COG3: variants seen among roughly 807,000 people sequenced by gnomAD.
COG3 encodes the protein component of oligomeric golgi complex 3.
In COG3, 32 loss-of-function variants were observed where a neutral mutation model predicts 114.1. The observed-to-expected ratio is 0.28, with a 90% CI of 0.21 to 0.38. The LOEUF (loss-of-function observed/expected upper bound fraction) is 0.38. Ranked by LOEUF, COG3 falls within the 10% of genes least tolerant of loss-of-function variation. The probability of loss-of-function intolerance (pLI) is 1.00; values close to 1 mark genes in which losing one functional copy is unlikely to be tolerated. For missense variants in COG3, 813 were observed against 973.2 expected, an observed-to-expected ratio of 0.84 and a Z score of 2.19; for synonymous variants, 352 against 365.7, an observed-to-expected ratio of 0.96 and a Z score of 0.43.
intron 1 of COG3, among the ~76,000 whole-genome samples, chr13:45,473,625 G>GAAT (rs929101446): frequency 1.3e-5 from 2 of 152,056 alleles, no homozygotes; most frequent in Non-Finnish European, 1.5e-5. Context: ...TATTAGATGG[G>GAAT]AATAATAATA....
In COG3 at chr13:45,535,026, T is replaced by A; in HGVS notation, c.*295T>A. ...TAGGGCAGACATGCAGTGAAATGGT[T>A]CTTTGTTAAAAATGTGCAATAAAAA... On this transcript the variant is annotated 3_prime_UTR_variant, in exon 23 of 23. Transcript: ENST00000349995. 8.6e-7 allele frequency: 1 copy of A among 1,164,032 alleles called. No individual in the cohort carries two copies. The allele number at this position is 1,164,032 out of a possible 1,614,324, so 72.1% of individuals were successfully genotyped here.
intron 8 of COG3, among the ~76,000 whole-genome samples, chr13:45,486,821 C>A (rs911493384): frequency 1.2e-4 from 19 of 152,068 alleles, no homozygotes; most frequent in African/African-American, 3.6e-4. Flanking sequence ...AGGTGATAGA[C>A]GGGTTTTAAA....
chr13:45,509,966 A>T (rs1870676608), intron 15 of COG3, 150 bp downstream of exon 15: 4 of 798,090 alleles, frequency 5.0e-6, no homozygotes, highest in South Asian at 4.1e-5. Flanking sequence ...CTAATTTAGG[A>T]ATTTCTAACC....
intron 1 of COG3, among the ~76,000 whole-genome samples, chr13:45,467,336 A>G (rs1308750751): frequency 6.6e-6 from 1 of 152,246 alleles, no homozygotes; most frequent in Non-Finnish European, 1.5e-5. Context: ...CCACGCCTGT[A>G]ATTTCAGCAC....
chr13:45,465,200 T>C lies in COG3; in HGVS notation c.164T>C (p.Val55Ala). The C allele has an allele frequency of 6.2e-7, 1 of 1,613,476 alleles. No homozygotes were observed. The highest frequency in any genetic ancestry group is 8.5e-7 in the Non-Finnish European group (1 of 1,179,838). The change falls in exon 1 of 23, where the codon GTG becomes GCG. Residue 55 changes from valine to alanine, a missense_variant. This residue lies in a region of COG3 where 424 missense variants were observed against 430.6 expected (regional missense o/e 0.98). Transcript: ENST00000349995. ...ELKAAAENLPVPAELPIEDLC... is the reference protein window; with the variant it reads ...ELKAAAENLPAPAELPIEDLC... ...AAGGCGGCGGCAGAGAACTTGCCGG[T>C]GCCAGCTGAGGTGAGGTGATGGGCA...
At chr13:45,500,088 GTGTGTGTA>G (rs1261124867) in intron 13 of COG3, among the ~76,000 whole-genome samples, 6 of 48,270 alleles carry the variant, frequency 1.2e-4, no homozygotes, top group African/African-American at 3.6e-4. Context: ...GTGTGTGTGT[GTGTGTGTA>G]TATATATATA....
At chr13:45,516,042 G>A (rs1047148254) in intron 16 of COG3, 101 bp from the exon 17 acceptor site, 1 of 820,150 alleles carries the variant, frequency 1.2e-6, no homozygotes. Flanking sequence ...ACCATAGGCT[G>A]TAAACCTAGG....
chr13:45,507,698 G>A (rs1251595185), intron 14 of COG3, among the ~76,000 whole-genome samples: 1 of 151,522 alleles, frequency 6.6e-6, no homozygotes, highest in African/African-American at 2.4e-5. Context: ...CCAATAGGCG[G>A]AGGTTGCAGT....
intron 19 of COG3, among the ~76,000 whole-genome samples, chr13:45,523,199 A>G (rs1458194481): frequency 6.6e-6 from 1 of 150,754 alleles, no homozygotes; most frequent in African/African-American, 2.4e-5. Context: ...ACTCAGACTT[A>G]TATATAGAAA....
chr13:45,504,252 T>C (rs187437538), intron 14 of COG3, among the ~76,000 whole-genome samples: 1 of 152,340 alleles, frequency 6.6e-6, no homozygotes, highest in East Asian at 1.9e-4. Context: ...AAATCCAGAC[T>C]GTCAAGCAGC....
At chr13:45,491,893 C>T (rs539734038) in intron 10 of COG3, among the ~76,000 whole-genome samples, 9 of 152,122 alleles carry the variant, frequency 5.9e-5, no homozygotes, top group South Asian at 2.1e-4. Flanking sequence ...AATGCATAAG[C>T]GCTCTTTTTT....
chr13:45,513,374 C>CATATAATATATACATATAAATTAT (rs1566265951), intron 16 of COG3, among the ~76,000 whole-genome samples: 1 of 116,126 alleles, frequency 8.6e-6, no homozygotes, highest in African/African-American at 3.8e-5. Flanking sequence ...ATAAATTATA[C>CATATAATATATACATATAAATTAT]ATATAATATA....
At chr13:45,520,322 G>GAGAA (rs10675289) in intron 19 of COG3, among the ~76,000 whole-genome samples, 134,026 of 148,958 alleles carry the variant, frequency 0.9, 60,418 homozygotes, top group African/African-American at 0.93. Context: ...AATAAAAAAA[G>GAGAA]AGAAAGAAAG....
intron 14 of COG3, among the ~76,000 whole-genome samples, chr13:45,503,853 A>C (rs1467706046): frequency 2.0e-5 from 3 of 152,042 alleles, no homozygotes; most frequent in Non-Finnish European, 2.9e-5. Context: ...TGGCCTTTGG[A>C]CTTCTAGCTG....
At chr13:45,524,057 A>G (rs2985983) in intron 19 of COG3, among the ~76,000 whole-genome samples, 79,591 of 151,764 alleles carry the variant, frequency 0.52, 21,145 homozygotes, top group Middle Eastern at 0.61. Context: ...GAGAAATAGA[A>G]ACTAGAAATA....
chr13:45,466,074 GTCGC>G (rs2137761701), intron 1 of COG3, among the ~76,000 whole-genome samples: 1 of 152,240 alleles, frequency 6.6e-6, no homozygotes, highest in Admixed American at 6.5e-5. Context: ...CTCTCGCTCT[GTCGC>G]CCAGGCTGGA....
At chr13:45,525,545 A>G (rs917715641) in intron 20 of COG3, among the ~76,000 whole-genome samples, 1 of 150,484 alleles carries the variant, frequency 6.6e-6, no homozygotes, top group Non-Finnish European at 1.5e-5. Flanking sequence ...TTGGCAGGCA[A>G]TACTATTGTC....
In COG3 at chr13:45,512,000, G is replaced by A. The variant is rs1870914732; in HGVS notation, c.1809+146G>A. The A allele has an allele frequency of 6.3e-6, 4 of 638,318 alleles. No individual in the cohort carries two copies. In the East Asian group the frequency reaches 1.1e-4, roughly 18 times the overall value. The allele number at this position is 638,318 out of a possible 1,614,324, so 39.5% of individuals were successfully genotyped here. ...ATTTTGAGGCTCTTTGAGAGAAACT[G>A]TTATTTCATTATAGTGCTAAATAAA... On this transcript the variant is annotated intron_variant, in intron 16 of 22. Transcript: ENST00000349995.
rs1566267725 is a variant in COG3, at chr13:45,516,234, A to C, written c.1901A>C (p.Glu634Ala). 1.9e-6 allele frequency: 3 copies of C among 1,592,772 alleles called. No homozygotes were observed. The African/African-American group carries it at 4.0e-5, about 21-fold the overall frequency. Residue 634 changes from glutamate (E) to alanine (A), a missense_variant, in exon 17 of 23, where the codon GAA becomes GCA. Physicochemically the swap from Glu to Ala is moderately radical, Grantham distance 107 (BLOSUM62 -1). Coordinates refer to ENST00000349995, the MANE Select transcript of COG3 (RefSeq NM_031431.4). ...TTTCACACTGAATTCACCATTAAGG[A>C]AATTTCCCTGGACCTCAAGAAAACT... ...APFHTEFTIK[E>A]ISLDLKKTRD...
Sources: gnomAD v4.1 joint callset for allele counts (sites outside exome capture counted in the v4.1 genomes callset) on GRCh38, gnomAD v4.1.1 for gene constraint, gnomAD v4.1.1 regional missense constraint, MANE v1.5 for transcripts, NCBI Gene and HGNC (gene_info 2026-07-23, HGNC 2026-07-21) for gene names.